The following EPHA6 variants were observed in gnomAD, a reference collection of about 807,000 sequenced individuals.
EPHA6 encodes the protein EPH receptor A6.
Under a neutral mutation model 112.0 loss-of-function variants are expected in EPHA6, and 50 were observed. That is an observed-to-expected ratio of 0.45 (90% CI 0.36 to 0.56). The LOEUF (loss-of-function observed/expected upper bound fraction) is 0.56. EPHA6 is among the 20% of genes least tolerant of loss of function. EPHA6 has a pLI of 0.00. For synonymous variants in EPHA6, 529 were observed against 490.7 expected, an observed-to-expected ratio of 1.08 and a Z score of -1.03; for missense variants, 1,280 against 1,417.4, an observed-to-expected ratio of 0.90 and a Z score of 1.56.
intron 3 of EPHA6, among the ~76,000 whole-genome samples, chr3:97,059,575 A>G (rs138858479): frequency 6.6e-6 from 1 of 151,848 alleles, no homozygotes; most frequent in African/African-American, 2.4e-5. Flanking sequence ...CCTGAGAGCT[A>G]AAAAACAAAT....
At chr3:96,884,882 T>A (rs866640749) in intron 2 of EPHA6, among the ~76,000 whole-genome samples, 2 of 152,292 alleles carry the variant, frequency 1.3e-5, no homozygotes, top group Middle Eastern at 3.4e-3. Flanking sequence ...GCTTTTATTA[T>A]GTTAAGGTAT....
At chr3:97,333,855 C>T (rs2082926263) in intron 5 of EPHA6, among the ~76,000 whole-genome samples, 1 of 151,996 alleles carries the variant, frequency 6.6e-6, no homozygotes, top group South Asian at 2.1e-4. Context: ...ATAATAGTAG[C>T]AGAGTAGACA....
intron 3 of EPHA6, among the ~76,000 whole-genome samples, chr3:97,018,449 G>A (rs1241955525): frequency 6.6e-6 from 1 of 152,138 alleles, no homozygotes; most frequent in Non-Finnish European, 1.5e-5. Context: ...CAAGACAAAG[G>A]GGCAGGATAA....
At chr3:96,981,048 C>A (rs563248673) in intron 2 of EPHA6, among the ~76,000 whole-genome samples, 1 of 152,254 alleles carries the variant, frequency 6.6e-6, no homozygotes, top group Non-Finnish European at 1.5e-5. Flanking sequence ...TTATTTCTTT[C>A]TTCTGCCTAA....
chr3:97,022,861 T>G (rs1290559085), intron 3 of EPHA6, among the ~76,000 whole-genome samples: 1 of 152,176 alleles, frequency 6.6e-6, no homozygotes, highest in Non-Finnish European at 1.5e-5. Flanking sequence ...TAGCATACCT[T>G]TTCTTTGTTT....
chr3:97,607,590 T>C (rs1265229678), intron 12 of EPHA6, among the ~76,000 whole-genome samples: 2 of 151,132 alleles, frequency 1.3e-5, no homozygotes, highest in African/African-American at 4.8e-5. Flanking sequence ...CTTGTGTGAC[T>C]TGTAGAAGTA....
intron 5 of EPHA6, among the ~76,000 whole-genome samples, chr3:97,334,497 TGA>T (rs1296752949): frequency 1.4e-5 from 2 of 144,132 alleles, no homozygotes; most frequent in Non-Finnish European, 1.5e-5. Flanking sequence ...TTTTTTTTGA[TGA>T]GAGACAACTT....
At chr3:97,324,421 C>CTTTCTT (rs1553746293) in intron 5 of EPHA6, among the ~76,000 whole-genome samples, 15 of 140,106 alleles carry the variant, frequency 1.1e-4, no homozygotes, top group African/African-American at 4.2e-4. Flanking sequence ...TTCTTTCTTT[C>CTTTCTT]TTTCTTTCTT....
chr3:97,610,727 C>A, intron 12 of EPHA6, 66 bp from the exon 13 acceptor site: 1 of 1,275,784 alleles, frequency 7.8e-7, no homozygotes, highest in Non-Finnish European at 1.1e-6. Context: ...AGCTGGGTAT[C>A]TCTTAACTGC....
chr3:97,558,232 G>T (rs1479767234), intron 11 of EPHA6, among the ~76,000 whole-genome samples: 1 of 151,918 alleles, frequency 6.6e-6, no homozygotes. Flanking sequence ...CCAGCTGAAG[G>T]CATATTTGTC....
chr3:97,481,952 CAT>C (rs1267191909), intron 9 of EPHA6, among the ~76,000 whole-genome samples: 1 of 152,116 alleles, frequency 6.6e-6, no homozygotes, highest in Non-Finnish European at 1.5e-5. Context: ...GGTAGGTTAG[CAT>C]AAACCAAACC....
chr3:97,203,468 A>G (rs1268549508), intron 3 of EPHA6, among the ~76,000 whole-genome samples: 1 of 152,178 alleles, frequency 6.6e-6, no homozygotes, highest in Admixed American at 6.6e-5. Context: ...AAAACAAAGC[A>G]TCATACCCAA....
intron 2 of EPHA6, among the ~76,000 whole-genome samples, chr3:96,882,859 T>C (rs2037406096): frequency 6.6e-6 from 1 of 152,132 alleles, no homozygotes. Flanking sequence ...TCTATGAGTT[T>C]GCAGCTGTGA....
At chr3:97,328,675 T>C (rs776828953) in intron 5 of EPHA6, among the ~76,000 whole-genome samples, 2 of 152,076 alleles carry the variant, frequency 1.3e-5, no homozygotes, top group African/African-American at 2.4e-5. Context: ...CTATATGGCC[T>C]TTCACAGAGG....
intron 7 of EPHA6, among the ~76,000 whole-genome samples, chr3:97,464,214 G>T (rs1464673072): frequency 2.0e-4 from 31 of 152,004 alleles, no homozygotes; most frequent in Admixed American, 2.0e-3. Context: ...GTCCAGTTTG[G>T]GTCAGGTCTC....
intron 3 of EPHA6, among the ~76,000 whole-genome samples, chr3:97,134,112 A>G (rs2075709868): frequency 1.3e-5 from 2 of 151,728 alleles, no homozygotes; most frequent in Admixed American, 6.6e-5. Context: ...GTTAAAAACA[A>G]ATGAAGAGAT....
At chr3:97,222,882 G>T (rs1175804374) in intron 3 of EPHA6, among the ~76,000 whole-genome samples, 1 of 152,198 alleles carries the variant, frequency 6.6e-6, no homozygotes, top group Non-Finnish European at 1.5e-5. Flanking sequence ...ATGCGGAAAA[G>T]GCCCAGGTCC....
At chr3:96,966,478 TG>T (rs1327610377) in intron 2 of EPHA6, among the ~76,000 whole-genome samples, 8 of 152,256 alleles carry the variant, frequency 5.3e-5, no homozygotes, top group African/African-American at 1.4e-4. Flanking sequence ...AAAATTTGGT[TG>T]AATTTATTTA....
intron 2 of EPHA6, among the ~76,000 whole-genome samples, chr3:96,934,553 T>A (rs2040486901): frequency 6.6e-6 from 1 of 151,528 alleles, no homozygotes; most frequent in Non-Finnish European, 1.5e-5. Context: ...CTTTACTGGT[T>A]TTTTGTTGTG....
Sources: gnomAD v4.1 joint callset for allele counts (sites outside exome capture counted in the v4.1 genomes callset) on GRCh38, gnomAD v4.1.1 for gene constraint, MANE v1.5 for transcripts, NCBI Gene and HGNC (gene_info 2026-07-23, HGNC 2026-07-21) for gene names.